Variants in RBMS3 observed in about 807,000 individuals in gnomAD.
RBMS3 encodes the protein RNA binding motif single stranded interacting protein 3.
RBMS3 carries 27 observed loss-of-function variants against 66.8 expected under a neutral mutation model. The ratio of observed to expected loss-of-function variants is 0.40; its 90% confidence interval spans 0.30 to 0.56. The LOEUF (loss-of-function observed/expected upper bound fraction) is 0.56, where lower values mean the gene tolerates loss of function less well. Among genes scored for constraint, RBMS3 ranks in the 20% least tolerant of loss-of-function variants. The pLI is 0.40. For synonymous variants in RBMS3, 188 were observed against 183.0 expected (o/e 1.03, Z -0.22); for missense variants, 513 against 549.5 (o/e 0.93, Z 0.66).
intron 2 of RBMS3, among the ~76,000 whole-genome samples, chr3:29,470,797 A>T (rs1009504440): frequency 6.6e-6 from 1 of 152,112 alleles, no homozygotes; most frequent in Admixed American, 6.5e-5. Context: ...TATTCCTGAC[A>T]TTTTTTGGTA....
At chr3:29,907,185 T>C (rs17618955) in intron 10 of RBMS3, among the ~76,000 whole-genome samples, 2,812 of 152,292 alleles carry the variant, frequency 0.018, 36 homozygotes, top group Non-Finnish European at 0.03. Flanking sequence ...TTCTTCATGA[T>C]GCTGTTTAGC....
intron 1 of RBMS3, among the ~76,000 whole-genome samples, chr3:29,383,604 T>C (rs1371732629): frequency 2.0e-5 from 3 of 152,210 alleles, no homozygotes; most frequent in South Asian, 2.1e-4. Context: ...TAGGGATATA[T>C]TGTTAGTGTA....
chr3:29,423,678 G>T (rs956671222), intron 1 of RBMS3, among the ~76,000 whole-genome samples: 3 of 152,156 alleles, frequency 2.0e-5, no homozygotes, highest in Non-Finnish European at 4.4e-5. Context: ...CTACCTGTCA[G>T]ATACAGCAGT....
At chr3:29,803,921 A>C (rs575930071) in intron 6 of RBMS3, among the ~76,000 whole-genome samples, 1 of 152,176 alleles carries the variant, frequency 6.6e-6, no homozygotes, top group South Asian at 2.1e-4. Context: ...ATGCATCCAG[A>C]GTGCAAAGTA....
chr3:29,512,290 G>A (rs2044443821), intron 3 of RBMS3, among the ~76,000 whole-genome samples: 1 of 151,914 alleles, frequency 6.6e-6, no homozygotes, highest in African/African-American at 2.4e-5. Context: ...GTTGGATTTA[G>A]GCATTTGAAA....
rs895844991 is a variant in RBMS3, at chr3:30,003,924, A to C, written c.*62A>C. The C allele has an allele frequency of 7.2e-5, 100 of 1,379,368 alleles. No homozygotes were observed. Among genetic ancestry groups the C allele is most frequent in the Non-Finnish European group, 9.1e-5 (95 of 1,040,094 alleles). 85.4% of individuals were successfully genotyped at this position (1,379,368 alleles called of 1,614,324 possible). Reference sequence around the variant, plus strand: ...GAATGAAGAAACTTCATTGAACAAGAAGTTGGCTTCCAGTTTGCACAGACG... The same window carrying C: ...GAATGAAGAAACTTCATTGAACAAGCAGTTGGCTTCCAGTTTGCACAGACG... On this transcript the variant is annotated 3_prime_UTR_variant, in exon 15 of 15. Coordinates refer to ENST00000383767, the MANE Select transcript of RBMS3 (RefSeq NM_001003793.3).
At chr3:29,814,045 C>A (rs2057803997) in intron 6 of RBMS3, among the ~76,000 whole-genome samples, 1 of 151,868 alleles carries the variant, frequency 6.6e-6, no homozygotes, top group Non-Finnish European at 1.5e-5. Flanking sequence ...GAGAGGGCAT[C>A]CCTGTCTTGT....
chr3:29,829,983 A>T (rs2058326023), intron 6 of RBMS3, among the ~76,000 whole-genome samples: 1 of 152,034 alleles, frequency 6.6e-6, no homozygotes, highest in East Asian at 1.9e-4. Flanking sequence ...GAATTAATAA[A>T]AAAAAAAATT....
chr3:29,689,943 A>G lies in RBMS3; in HGVS notation c.400-49777A>G, dbSNP rs1006729862. 5.4e-4 allele frequency among the ~76,000 whole-genome samples: 76 copies of G among 139,756 alleles called. 1 individual carries two copies. The highest frequency in any genetic ancestry group is 2.2e-3 in the African/African-American group (75 of 34,572). 91.7% of individuals were successfully genotyped at this position (139,756 alleles called of 152,430 possible). ...AAAAAAAAAAAAAAAAAAAAAAAAAAAAAAAAAAAAAAGTGAAAGAAAGGG... is the reference window on the plus strand; with the variant it reads ...AAAAAAAAAAAAAAAAAAAAAAAAAGAAAAAAAAAAAAGTGAAAGAAAGGG... On this transcript the variant is annotated intron_variant, in intron 4 of 14. Coordinates refer to ENST00000383767, the MANE Select transcript of RBMS3 (RefSeq NM_001003793.3).
chr3:29,986,938 G>A (rs971427719), intron 12 of RBMS3, among the ~76,000 whole-genome samples: 1 of 152,114 alleles, frequency 6.6e-6, no homozygotes, highest in African/African-American at 2.4e-5. Context: ...ATGAAACCCA[G>A]TTTGAAAAGA....
chr3:29,660,999 T>C (rs991130820), intron 4 of RBMS3, among the ~76,000 whole-genome samples: 11 of 152,140 alleles, frequency 7.2e-5, no homozygotes, highest in African/African-American at 2.7e-4. Flanking sequence ...GTATTTGGAG[T>C]ACGTGATCCT....
chr3:29,338,681 C>G (rs1305199236), intron 1 of RBMS3, among the ~76,000 whole-genome samples: 1 of 99,506 alleles, frequency 1.0e-5, no homozygotes, highest in East Asian at 3.8e-4. Flanking sequence ...TCTCCTCCTC[C>G]TCTCCTCTCC....
intron 4 of RBMS3, chr3:29,614,325 A>T (rs2149138610): frequency 6.6e-6 from 1 of 152,226 alleles, no homozygotes; most frequent in East Asian, 1.9e-4. Context: ...GGTGGACAGG[A>T]ATTAGAAAGG....
chr3:29,839,115 C>T lies in RBMS3; in HGVS notation c.638-29743C>T, dbSNP rs192027038. ...ATTGTTAATACATTTTTCAAGGTAG[C>T]GCCAGTCTTCATCTGTAGCCATTAA... On this transcript the variant is annotated intron_variant, in intron 6 of 14. Transcript: ENST00000383767. 5.8e-3 allele frequency among the ~76,000 whole-genome samples: 886 copies of T among 152,042 alleles called. 8 individuals are homozygous for T. The highest frequency in any genetic ancestry group is 0.021 in the African/African-American group (849 of 41,392).
intron 1 of RBMS3, among the ~76,000 whole-genome samples, chr3:29,338,023 G>C (rs1575571654): frequency 6.6e-6 from 1 of 152,216 alleles, no homozygotes; most frequent in South Asian, 2.1e-4. Context: ...TTTGAGATGG[G>C]AAAATTGAGG....
chr3:29,366,116 C>A (rs1318835141), intron 1 of RBMS3, among the ~76,000 whole-genome samples: 1 of 151,926 alleles, frequency 6.6e-6, no homozygotes, highest in Non-Finnish European at 1.5e-5. Flanking sequence ...AAATTTGAGA[C>A]AGATAAAGAA....
intron 4 of RBMS3, among the ~76,000 whole-genome samples, 189 bp downstream of exon 4, chr3:29,587,394 G>A (rs886566927): frequency 3.3e-5 from 5 of 151,700 alleles, no homozygotes; most frequent in African/African-American, 1.2e-4. Context: ...TTTCTTGTTA[G>A]GGAAAGTAAG....
chr3:29,587,147 C>T lies in RBMS3; in HGVS notation c.341C>T (p.Ala114Val). ...YGFVDFDSPA[A>V]AQKAVASLKA... The stretch of plus-strand genomic sequence containing the variant: ...TTTGTAGATTTTGACAGTCCTGCAG[C>T]CGCACAGAAAGCGGTAGCATCTCTC... Residue 114 changes from alanine (A) to valine (V), a missense_variant, in exon 4 of 15, where the codon GCC becomes GTC. Transcript: ENST00000383767. 1 of 1,610,030 alleles carries T rather than the reference C, an allele frequency of 6.2e-7. No individual in the cohort carries two copies. Among genetic ancestry groups the T allele is most frequent in the African/African-American group, 1.3e-5 (1 of 74,308 alleles).
intron 4 of RBMS3, among the ~76,000 whole-genome samples, chr3:29,730,682 G>A (rs1311119500): frequency 6.6e-6 from 1 of 152,020 alleles, no homozygotes; most frequent in Non-Finnish European, 1.5e-5. Context: ...AGACATTCCT[G>A]GGGAACCTCT....
Sources: allele counts gnomAD v4.1 joint callset (sites outside exome capture counted in the v4.1 genomes callset), GRCh38; gene constraint gnomAD v4.1.1; transcripts MANE v1.5; gene names NCBI Gene and HGNC (gene_info 2026-07-23, HGNC 2026-07-21).